Variants in NKAIN4 observed in about 807,000 individuals in gnomAD.
NKAIN4 encodes sodium/potassium-transporting ATPase subunit beta-1-interacting protein 4.
A neutral mutation model predicts 28.8 loss-of-function variants in NKAIN4; 28 were observed. The observed-to-expected ratio is 0.97, with a 90% confidence interval of 0.72 to 1.33. The LOEUF (loss-of-function observed/expected upper bound fraction) is 1.33. Among genes scored for constraint, NKAIN4 ranks in the 40% most tolerant of loss-of-function variants. The pLI is 0.00. For missense variants in NKAIN4, 289 were observed against 277.2 expected (o/e 1.04, Z -0.30); for synonymous variants, 122 against 115.6 (o/e 1.06, Z -0.36).
rs1190517957 is a variant in NKAIN4, at chr20:63,250,027, A to C, written c.100T>G (p.Trp34Gly). The C allele has an allele frequency of 1.2e-6, 2 of 1,604,406 alleles. No individual in the cohort carries two copies. Among genetic ancestry groups the C allele is most frequent in the Middle Eastern group, 3.3e-4 (2 of 6,070 alleles). The stretch of plus-strand genomic sequence containing the variant: ...ACAAAGTTGGCCAGGATGGGCGCCC[A>C]CTGGTAGCCCAGGAAGTCAAACACC... Reference protein sequence around the residue: ...RQVFDFLGYQWAPILANFVHI... With the variant: ...RQVFDFLGYQGAPILANFVHI... Residue 34 changes from tryptophan to glycine, a missense_variant, in exon 2 of 7, where the codon TGG becomes GGG. By Grantham distance (184) the Trp-to-Gly change is radical (BLOSUM62 -2). Coordinates refer to ENST00000370316, the MANE Select transcript of NKAIN4 (RefSeq NM_152864.4).
At chr20:63,242,415 G>A (rs2066771736) in intron 6 of NKAIN4, 124 bp downstream of exon 6, 2 of 742,536 alleles carry the variant, frequency 2.7e-6, no homozygotes, top group African/African-American at 1.7e-5. Flanking sequence ...GTGGATGGAT[G>A]GACGGATGGA....
intron 5 of NKAIN4, among the ~76,000 whole-genome samples, chr20:63,243,211 T>C (rs1162845360): frequency 6.6e-6 from 1 of 152,006 alleles, no homozygotes; most frequent in Non-Finnish European, 1.5e-5. Context: ...CTCTGAGTGA[T>C]GGTTTAGGAT....
chr20:63,254,228 G>A (rs149519714), intron 1 of NKAIN4, 169 bp downstream of exon 1: 4 of 500,734 alleles, frequency 8.0e-6, no homozygotes, highest in Admixed American at 4.6e-5. Context: ...CGCCCCGCAG[G>A]CGACGCCACC....
At chr20:63,242,011 C>A (rs2066761448) in intron 6 of NKAIN4, among the ~76,000 whole-genome samples, 1 of 152,156 alleles carries the variant, frequency 6.6e-6, no homozygotes, top group African/African-American at 2.4e-5. Flanking sequence ...TTCTGAGCCC[C>A]AAACTAGGAT....
rs545125770 is a variant in NKAIN4, at chr20:63,247,832, C to T, written c.274-57G>A. 23 of 1,413,500 alleles carry T rather than the reference C, an allele frequency of 1.6e-5. No individual in the cohort carries two copies. In the South Asian group the frequency reaches 2.9e-4, roughly 18 times the overall value. The allele number at this position is 1,413,500 out of a possible 1,614,324, so 87.6% of individuals were successfully genotyped here. On this transcript the variant is annotated intron_variant, in intron 3 of 6. Transcript: ENST00000370316. ...AGCACCAGGAGGTGGGCGGCCTCAC[C>T]CACTGCAGCCTGCGGGGACGCCACC...
upstream of NKAIN4, chr20:63,254,919 TGA>T (rs1568717091): frequency 6.5e-6 from 1 of 153,418 alleles, no homozygotes; most frequent in African/African-American, 2.4e-5. Flanking sequence ...GCGTTTTCTC[TGA>T]GAGTCTCAGA....
At position 63,249,871 on chromosome 20, in the gene NKAIN4, G is replaced by A. The variant is rs1479838153; in HGVS notation, c.192+64C>T. 7 of 1,512,014 alleles carry A rather than the reference G, an allele frequency of 4.6e-6. No homozygotes were observed. In the African/African-American group the frequency reaches 9.7e-5, roughly 21 times the overall value. 93.7% of individuals were successfully genotyped at this position (1,512,014 alleles called of 1,614,324 possible). A position where few individuals can be genotyped will look rare whatever the true frequency, so the allele number is the denominator to read the frequency against. ...GGAAAATATGCCAGGATGGTGCCAT[G>A]GGAGCCGCCATCCTGGTCACCTCAA... On this transcript the variant is annotated intron_variant, in intron 2 of 6. Coordinates refer to ENST00000370316, the MANE Select transcript of NKAIN4 (RefSeq NM_152864.4).
At chr20:63,253,616 G>A (rs1437893274) in intron 1 of NKAIN4, 3 of 686,490 alleles carry the variant, frequency 4.4e-6, no homozygotes, top group South Asian at 1.3e-4. Context: ...CCCCAGCCTG[G>A]ACAGGCGAGG....
chr20:63,246,745 C>T (rs990630641), intron 4 of NKAIN4: 1 of 985,342 alleles, frequency 1.0e-6, no homozygotes, highest in Non-Finnish European at 1.2e-6. Flanking sequence ...GGCCCTGCCC[C>T]CGGAGCTCTT....
At position 63,245,499 on chromosome 20, in the gene NKAIN4, G is replaced by A. The variant is rs2066839938; in HGVS notation, c.472-1415C>T. On this transcript the variant is annotated intron_variant, in intron 4 of 6. Coordinates refer to ENST00000370316, the MANE Select transcript of NKAIN4 (RefSeq NM_152864.4). This position sits in a 1 kb window ranked among gnomAD's most constrained non-coding sequence, Gnocchi z 4.7. The stretch of plus-strand genomic sequence containing the variant: ...CCCACACCCCCATGCTCCCCGCCCT[G>A]CACACCACCGCCTCCTGCCCATCCT... Among the ~76,000 whole-genome samples the A allele has an allele frequency of 6.6e-6, 1 of 151,944 alleles. No individual in the cohort carries two copies. The highest frequency in any genetic ancestry group is 2.1e-4 in the South Asian group (1 of 4,814).
chr20:63,241,301 CTT>C lies in NKAIN4; in HGVS notation c.*194_*195del. ...TAAGAGAAAGGAAATTACAAACTCTCTTGACGCTGCAGCCAGCCGTGGCACTG... is the reference window on the plus strand; with the variant it reads ...TAAGAGAAAGGAAATTACAAACTCTCGACGCTGCAGCCAGCCGTGGCACTG... On this transcript the variant is annotated 3_prime_UTR_variant, in exon 7 of 7. Transcript: ENST00000370316. 1.7e-6 allele frequency: 1 copy of C among 577,288 alleles called. No homozygotes were observed. The highest frequency in any genetic ancestry group is 2.2e-5 in the South Asian group (1 of 46,016). 35.8% of individuals were successfully genotyped at this position (577,288 alleles called of 1,614,324 possible).
intron 4 of NKAIN4, chr20:63,247,239 A>G (rs1030824712): frequency 6.4e-5 from 79 of 1,234,816 alleles, no homozygotes; most frequent in Non-Finnish European, 6.9e-5. Context: ...AGGAAGATGC[A>G]TGCCCCTCCT....
intron 5 of NKAIN4, 141 bp downstream of exon 5, chr20:63,243,883 C>T (rs1171821413): frequency 6.5e-5 from 44 of 674,936 alleles, no homozygotes; most frequent in East Asian, 1.1e-4. Flanking sequence ...CTCAGGCCTA[C>T]GGCCGTGAGC....
intron 3 of NKAIN4, 86 bp from the exon 4 acceptor site, chr20:63,247,861 C>T: frequency 2.1e-6 from 3 of 1,397,940 alleles, no homozygotes; most frequent in South Asian, 1.8e-5. Context: ...CGCCACCACA[C>T]CGAGGCAAGG....
At chr20:63,247,875 G>A (rs2066890374) in intron 3 of NKAIN4, 100 bp from the exon 4 acceptor site, 7 of 1,377,136 alleles carry the variant, frequency 5.1e-6, no homozygotes, top group Non-Finnish European at 5.7e-6. Context: ...GGCAAGGGGA[G>A]GTCCTGTCCT....
chr20:63,241,552 C>A, intron 6 of NKAIN4, 46 bp from the exon 7 acceptor site: 1 of 1,539,504 alleles, frequency 6.5e-7, no homozygotes, highest in African/African-American at 1.4e-5. Flanking sequence ...AGGGCTGGGG[C>A]AGCCACTGGG....
chr20:63,249,875 GCCGCC>G, intron 2 of NKAIN4, 55 bp downstream of exon 2: 2 of 1,532,682 alleles, frequency 1.3e-6, no homozygotes, highest in Non-Finnish European at 1.8e-6. Flanking sequence ...TGCCATGGGA[GCCGCC>G]ATCCTGGTCA....
intron 1 of NKAIN4, among the ~76,000 whole-genome samples, chr20:63,250,993 G>A (rs910947743): frequency 6.8e-5 from 10 of 148,142 alleles, no homozygotes; most frequent in African/African-American, 2.2e-4. Context: ...CCACCAAGAC[G>A]CAGAGACCAG....
At chr20:63,254,576 C>T, upstream of NKAIN4, 2 of 664,520 alleles carry the variant, frequency 3.0e-6, no homozygotes. Flanking sequence ...CTCCTCCCCG[C>T]AACCCCCGGC....
Sources: gnomAD v4.1 joint callset for allele counts (sites outside exome capture counted in the v4.1 genomes callset) on GRCh38, gnomAD v4.1.1 for gene constraint, Gnocchi (gnomAD v3.1) non-coding constraint, MANE v1.5 for transcripts, NCBI Gene and HGNC (gene_info 2026-07-23, HGNC 2026-07-21) for gene names.